HACD2: variants seen among roughly 807,000 people sequenced by gnomAD.
HACD2 encodes the protein very-long-chain (3R)-3-hydroxyacyl-CoA dehydratase 2.
Under a neutral mutation model 31.0 loss-of-function variants are expected in HACD2, and 15 were observed. The observed-to-expected ratio is 0.48, with a 90% CI of 0.32 to 0.75. The LOEUF (loss-of-function observed/expected upper bound fraction) is 0.75. Among genes scored for constraint, HACD2 ranks in the 30% least tolerant of loss-of-function variants. The probability of loss-of-function intolerance (pLI) is 0.03; values close to 1 mark genes in which losing one functional copy is unlikely to be tolerated. For synonymous variants in HACD2, 115 were observed against 122.2 expected, an observed-to-expected ratio of 0.94 and a Z score of 0.39; for missense variants, 283 against 313.0, an observed-to-expected ratio of 0.90 and a Z score of 0.72.
At chr3:123,516,513 C>G (rs895844339) in intron 4 of HACD2, among the ~76,000 whole-genome samples, 1 of 152,050 alleles carries the variant, frequency 6.6e-6, no homozygotes, top group African/African-American at 2.4e-5. Flanking sequence ...GGATTACAGG[C>G]GTGTGCCACC....
intron 4 of HACD2, among the ~76,000 whole-genome samples, chr3:123,505,001 C>G (rs2055955949): frequency 6.6e-6 from 1 of 152,196 alleles, no homozygotes; most frequent in Non-Finnish European, 1.5e-5. Flanking sequence ...CAGGTGTGTA[C>G]TGATGGATGG....
At chr3:123,582,510 G>C (rs987654941) in intron 1 of HACD2, among the ~76,000 whole-genome samples, 181 bp from the exon 2 acceptor site, 23 of 152,174 alleles carry the variant, frequency 1.5e-4, no homozygotes, top group Non-Finnish European at 3.2e-4. Context: ...TTGCAACACC[G>C]ACAGCACCTT....
chr3:123,526,461 G>A (rs2056285015), intron 4 of HACD2, among the ~76,000 whole-genome samples: 1 of 151,734 alleles, frequency 6.6e-6, no homozygotes, highest in South Asian at 2.1e-4. Context: ...AGAGGCGATG[G>A]GAAGACAATA....
chr3:123,518,021 T>TTAGATTTTG lies in HACD2; in HGVS notation c.381+10364_381+10365insCAAAATCTA, dbSNP rs1196036033. Among the ~76,000 whole-genome samples the TTAGATTTTG allele has an allele frequency of 2.9e-4, 2 of 6,982 alleles. 1 individual carries two copies. The highest frequency in any genetic ancestry group is 3.0e-4 in the African/African-American group (2 of 6,588). 4.6% of individuals were successfully genotyped at this position (6,982 alleles called of 152,430 possible). On this transcript the variant is annotated intron_variant, in intron 4 of 6. Transcript: ENST00000383657. The stretch of plus-strand genomic sequence containing the variant: ...TCCCGGCTAAAACGGTGAAACCCCG[T>TTAGATTTTG]CTCTACTAAAAATACAAAAAATTAG...
chr3:123,493,257 G>A lies in HACD2; in HGVS notation c.*1631C>T, dbSNP rs997468037. On this transcript the variant is annotated 3_prime_UTR_variant, in exon 7 of 7. Coordinates refer to ENST00000383657, the MANE Select transcript of HACD2 (RefSeq NM_198402.5). ...TGTAGTCCCAGCTACTCAGGAGGCT[G>A]AGGCAGGAGGATGGCGTGAACCCGG... 1 of 152,260 alleles carries A rather than the reference G, an allele frequency of 6.6e-6. No homozygotes were observed. Among genetic ancestry groups the A allele is most frequent in the Non-Finnish European group, 1.5e-5 (1 of 68,062 alleles). 9.4% of individuals were successfully genotyped at this position (152,260 alleles called of 1,614,324 possible).
chr3:123,558,940 G>A (rs1324090787), intron 3 of HACD2, among the ~76,000 whole-genome samples: 2 of 152,118 alleles, frequency 1.3e-5, no homozygotes, highest in Non-Finnish European at 2.9e-5. Context: ...CTGAAATATG[G>A]CACCCATTTT....
intron 3 of HACD2, among the ~76,000 whole-genome samples, chr3:123,563,476 A>T (rs1226965055): frequency 6.6e-6 from 1 of 152,218 alleles, no homozygotes; most frequent in Non-Finnish European, 1.5e-5. Flanking sequence ...AAGTAGGCAA[A>T]TGACATGCTC....
In HACD2 at chr3:123,548,471, G is replaced by A. The variant is rs565488788; in HGVS notation, c.292+19291C>T. Among the ~76,000 whole-genome samples, 66 of 152,146 alleles carry A rather than the reference G, an allele frequency of 4.3e-4. 2 individuals are homozygous for A. The South Asian group carries it at 0.014, about 32-fold the overall frequency. On this transcript the variant is annotated intron_variant, in intron 3 of 6. Transcript: ENST00000383657. ...TGGGCCAGAACTACTCACCTAAAGC[G>A]CTCCCGAATTCCTGACCCACAGAAA...
intron 4 of HACD2, 106 bp downstream of exon 4, chr3:123,528,280 C>G: frequency 1.4e-6 from 1 of 734,648 alleles, no homozygotes; most frequent in Non-Finnish European, 2.5e-6. Context: ...TTGACATGAC[C>G]TGGAACTCTG....
chr3:123,569,076 T>G (rs1012565733), intron 2 of HACD2, among the ~76,000 whole-genome samples: 10 of 152,228 alleles, frequency 6.6e-5, no homozygotes, highest in African/African-American at 2.4e-4. Context: ...AAACTACTAT[T>G]TCACTCAATT....
chr3:123,507,528 T>C (rs1385519833), intron 4 of HACD2, among the ~76,000 whole-genome samples: 1 of 152,202 alleles, frequency 6.6e-6, no homozygotes, highest in African/African-American at 2.4e-5. Context: ...ATACATTATA[T>C]GATTCCATTT....
chr3:123,513,315 A>T (rs569702744), intron 4 of HACD2, among the ~76,000 whole-genome samples: 44 of 152,354 alleles, frequency 2.9e-4, no homozygotes, highest in African/African-American at 1.0e-3. Flanking sequence ...GCCATTTGAT[A>T]ACCATCACAG....
intron 2 of HACD2, among the ~76,000 whole-genome samples, chr3:123,578,030 C>T (rs1013816543): frequency 6.6e-5 from 10 of 152,072 alleles, no homozygotes; most frequent in African/African-American, 2.4e-4. Flanking sequence ...GCAGTCACAC[C>T]CCACTCTCTC....
At chr3:123,511,522 T>G (rs2056063413) in intron 4 of HACD2, among the ~76,000 whole-genome samples, 1 of 152,126 alleles carries the variant, frequency 6.6e-6, no homozygotes. Context: ...GTTGCCTACC[T>G]CTGAAAAGGG....
rs73857664 is a variant in HACD2, at chr3:123,544,559, A to C, written c.293-16085T>G. On this transcript the variant is annotated intron_variant, in intron 3 of 6. Transcript: ENST00000383657. ...GCTTTTATTTCTTGTTAGAAGATAA[A>C]TCAAAATCAATAAGAATTTATCAAT... Among the ~76,000 whole-genome samples the C allele has an allele frequency of 6.0e-3, 910 of 152,318 alleles. 9 individuals carry two copies. The highest frequency in any genetic ancestry group is 0.021 in the African/African-American group (884 of 41,560).
chr3:123,503,482 C>T lies in HACD2; in HGVS notation c.382-801G>A, dbSNP rs550995510. ...TTAGAGCCAGAGAGCTTTGAAATCCCCAGTCTCCTCTGAAGTTGTTTTTAT... is the reference window on the plus strand; with the variant it reads ...TTAGAGCCAGAGAGCTTTGAAATCCTCAGTCTCCTCTGAAGTTGTTTTTAT... On this transcript the variant is annotated intron_variant, in intron 4 of 6. Transcript: ENST00000383657. Among the ~76,000 whole-genome samples the T allele has an allele frequency of 7.9e-5, 12 of 152,124 alleles. No individual in the cohort carries two copies. In the East Asian group the frequency reaches 1.9e-3, roughly 25 times the overall value.
chr3:123,523,033 G>T (rs1206441836), intron 4 of HACD2, among the ~76,000 whole-genome samples: 2 of 152,164 alleles, frequency 1.3e-5, no homozygotes, highest in African/African-American at 4.8e-5. Flanking sequence ...CGCATGCTGG[G>T]AAGTCCACAA....
At chr3:123,559,090 C>A (rs2056700786) in intron 3 of HACD2, among the ~76,000 whole-genome samples, 1 of 152,224 alleles carries the variant, frequency 6.6e-6, no homozygotes, top group African/African-American at 2.4e-5. Context: ...ATCAAGTCAT[C>A]AGACAGTGAT....
At chr3:123,506,763 G>C (rs375376114) in intron 4 of HACD2, among the ~76,000 whole-genome samples, 35 of 152,100 alleles carry the variant, frequency 2.3e-4, no homozygotes, top group African/African-American at 8.2e-4. Flanking sequence ...CAACAATTGG[G>C]AACATTTTTA....
Sources: allele counts gnomAD v4.1 joint callset (sites outside exome capture counted in the v4.1 genomes callset), GRCh38; gene constraint gnomAD v4.1.1; transcripts MANE v1.5; gene names NCBI Gene and HGNC (gene_info 2026-07-23, HGNC 2026-07-21).